The following TRPM3 variants were observed in gnomAD, a reference collection of about 807,000 sequenced individuals.
The protein encoded by TRPM3 is long transient receptor potential channel 3.
TRPM3 carries 77 observed loss-of-function variants against 181.2 expected under a neutral mutation model. That is an observed-to-expected ratio of 0.42 (90% CI 0.35 to 0.51). The LOEUF is 0.51. Among genes scored for constraint, TRPM3 ranks in the 20% least tolerant of loss-of-function variants. The pLI, the probability that TRPM3 is intolerant of heterozygous loss-of-function variation, is 0.01. For synonymous variants in TRPM3, 745 were observed against 796.4 expected, an observed-to-expected ratio of 0.94 and a Z score of 1.09; for missense variants, 1,759 against 2,196.7, an observed-to-expected ratio of 0.80 and a Z score of 3.98.
intron 1 of TRPM3, among the ~76,000 whole-genome samples, chr9:71,390,698 T>A (rs1277024136): frequency 6.6e-6 from 1 of 152,016 alleles, no homozygotes; most frequent in African/African-American, 2.4e-5. Flanking sequence ...CATTAAACAT[T>A]ACAATACTAT....
intron 1 of TRPM3, among the ~76,000 whole-genome samples, chr9:71,327,745 C>T (rs1480861633): frequency 6.6e-6 from 1 of 152,170 alleles, no homozygotes; most frequent in East Asian, 1.9e-4. Context: ...CAGAAGTCAA[C>T]TTTTCTTCTG....
chr9:71,311,252 T>C (rs2087901022), intron 1 of TRPM3, among the ~76,000 whole-genome samples: 2 of 152,306 alleles, frequency 1.3e-5, no homozygotes, highest in African/African-American at 2.4e-5. Context: ...TTTTCTCCTG[T>C]ACTTATGCTG....
intron 1 of TRPM3, among the ~76,000 whole-genome samples, chr9:70,940,072 C>T (rs1393866297): frequency 1.3e-5 from 2 of 152,132 alleles, no homozygotes; most frequent in African/African-American, 4.8e-5. Context: ...CCTGCAGGTG[C>T]TGGAGCCCTT....
intron 3 of TRPM3, among the ~76,000 whole-genome samples, chr9:70,853,034 T>A (rs953165569): frequency 6.6e-6 from 1 of 152,200 alleles, no homozygotes; most frequent in Non-Finnish European, 1.5e-5. Flanking sequence ...GGGGAGAGAC[T>A]GTGTTTGACC....
At chr9:71,168,416 T>G (rs1280053068) in intron 1 of TRPM3, among the ~76,000 whole-genome samples, 1 of 151,712 alleles carries the variant, frequency 6.6e-6, no homozygotes, top group Non-Finnish European at 1.5e-5. Context: ...TGAACGGAGA[T>G]TTAGAATTAC....
chr9:70,681,721 T>A, intron 8 of TRPM3, 143 bp from the exon 9 acceptor site: 1 of 704,674 alleles, frequency 1.4e-6, no homozygotes, highest in South Asian at 1.8e-5. Flanking sequence ...ATAACAAGAA[T>A]CCGATGAGAG....
intron 1 of TRPM3, among the ~76,000 whole-genome samples, chr9:71,312,728 T>C (rs1165715640): frequency 6.6e-6 from 1 of 152,146 alleles, no homozygotes; most frequent in Non-Finnish European, 1.5e-5. Context: ...CAAAAAGAAC[T>C]GAGTTACCAA....
chr9:70,849,953 C>A (rs542324820), intron 3 of TRPM3, among the ~76,000 whole-genome samples: 1 of 152,034 alleles, frequency 6.6e-6, no homozygotes, highest in Non-Finnish European at 1.5e-5. Context: ...GGCAAAAGCA[C>A]GCAGAATATG....
At chr9:71,404,934 G>A (rs2093409069) in intron 1 of TRPM3, among the ~76,000 whole-genome samples, 1 of 152,130 alleles carries the variant, frequency 6.6e-6, no homozygotes, top group African/African-American at 2.4e-5. Context: ...AGTATGCATT[G>A]TAAGGTCCTC....
chr9:70,830,478 C>T (rs556992446), intron 5 of TRPM3, among the ~76,000 whole-genome samples: 1 of 152,144 alleles, frequency 6.6e-6, no homozygotes, highest in African/African-American at 2.4e-5. Flanking sequence ...TACAGTTTCA[C>T]TCATGAGTTT....
chr9:71,380,240 C>A (rs1444787421), intron 1 of TRPM3, among the ~76,000 whole-genome samples: 1 of 151,770 alleles, frequency 6.6e-6, no homozygotes, highest in African/African-American at 2.4e-5. Flanking sequence ...TCTTTGAATT[C>A]AAGTCATGGG....
chr9:70,819,906 T>G (rs1473675491), intron 6 of TRPM3, among the ~76,000 whole-genome samples: 1 of 152,196 alleles, frequency 6.6e-6, no homozygotes, highest in Non-Finnish European at 1.5e-5. Context: ...AAATGGAGCC[T>G]GAAGACAACT....
In TRPM3 at chr9:71,384,087, C is replaced by T. The variant is rs148994520; in HGVS notation, c.183+62566G>A. Among the ~76,000 whole-genome samples, 26 of 152,216 alleles carry T rather than the reference C, an allele frequency of 1.7e-4. No homozygotes were observed. In the East Asian group the frequency reaches 2.5e-3, roughly 15 times the overall value. ...GTCTTTTGATACCATAAGAGTAAAA[C>T]GTTATTAATATATCATATATTCTGG... On this transcript the variant is annotated intron_variant, in intron 1 of 24. Coordinates refer to the TRPM3 transcript ENST00000357533.
At chr9:70,855,587 A>G (rs17555728) in intron 3 of TRPM3, among the ~76,000 whole-genome samples, 4,389 of 152,284 alleles carry the variant, frequency 0.029, 89 homozygotes, top group Middle Eastern at 0.058. Context: ...GAAAAATGGA[A>G]CTATCATTGC....
chr9:71,140,384 T>A (rs1036406377), intron 1 of TRPM3, among the ~76,000 whole-genome samples: 10 of 152,158 alleles, frequency 6.6e-5, no homozygotes, highest in Admixed American at 6.6e-4. Context: ...CTCAACATTG[T>A]CTTTCATTTC....
intron 1 of TRPM3, among the ~76,000 whole-genome samples, chr9:71,274,478 A>G (rs779968705): frequency 6.6e-6 from 1 of 152,148 alleles, no homozygotes; most frequent in Non-Finnish European, 1.5e-5. Context: ...ATTTATACAG[A>G]CAGTTAAGGG....
chr9:70,921,942 AACACACAC>A (rs71367238), intron 1 of TRPM3, among the ~76,000 whole-genome samples: 2 of 139,394 alleles, frequency 1.4e-5, no homozygotes, highest in African/African-American at 2.7e-5. Context: ...CACACAAACA[AACACACAC>A]ACACACACAC....
intron 1 of TRPM3, among the ~76,000 whole-genome samples, chr9:71,378,454 A>G (rs2092716708): frequency 6.6e-6 from 1 of 152,122 alleles, no homozygotes; most frequent in African/African-American, 2.4e-5. Context: ...ATAATGCTAT[A>G]GTTAGAGCCA....
At chr9:70,971,704 G>A (rs1564874703) in intron 1 of TRPM3, among the ~76,000 whole-genome samples, 1 of 152,172 alleles carries the variant, frequency 6.6e-6, no homozygotes. Flanking sequence ...ATTCTAGAGG[G>A]AAGAATGGGG....
Sources: gnomAD v4.1 joint callset for allele counts (sites outside exome capture counted in the v4.1 genomes callset) on GRCh38, gnomAD v4.1.1 for gene constraint, MANE v1.5 for transcripts, NCBI Gene and HGNC (gene_info 2026-07-23, HGNC 2026-07-21) for gene names.